The following ADORA1 variants were observed in gnomAD, a reference collection of about 807,000 sequenced individuals.
The protein encoded by ADORA1 is adenosine A1 receptor, also known as adenosine receptor A1.
In ADORA1, 6 loss-of-function variants were observed where a neutral mutation model predicts 19.9. That is an observed-to-expected ratio of 0.30 (90% CI 0.17 to 0.59). ADORA1 has a LOEUF of 0.59. ADORA1 is among the 20% of genes least tolerant of loss of function. ADORA1 has a pLI of 0.87. For synonymous variants in ADORA1, 194 were observed against 188.4 expected (o/e 1.03, Z -0.24); for missense variants, 302 against 439.2 (o/e 0.69, Z 2.79).
Position 203,165,691 on chromosome 1 carries a change from C to T in ADORA1, c.772C>T (p.Leu258Phe). The T allele has an allele frequency of 6.2e-7, 1 of 1,611,028 alleles. No individual in the cohort carries two copies. The highest frequency in any genetic ancestry group is 1.7e-4 in the Middle Eastern group (1 of 6,042). Reference protein sequence around the residue: ...LPLHILNCITLFCPSCHKPSI... With the variant: ...LPLHILNCITFFCPSCHKPSI... ...TTTGCACATCCTCAACTGCATCACCCTCTTCTGCCCGTCCTGCCACAAGCC... is the reference window on the plus strand; with the variant it reads ...TTTGCACATCCTCAACTGCATCACCTTCTTCTGCCCGTCCTGCCACAAGCC... The change falls in exon 4 of 4, where the codon CTC becomes TTC. Residue 258 changes from leucine (L) to phenylalanine (F), a missense_variant. By Grantham distance (22) the Leu-to-Phe change is conservative. Coordinates refer to ENST00000337894, the MANE Select transcript of ADORA1 (RefSeq NM_000674.3). This position sits in a 1 kb window ranked among gnomAD's most constrained non-coding sequence, Gnocchi z 5.9.
At chr1:203,155,016 TTTATTATTA>T (rs4020534) in intron 3 of ADORA1, among the ~76,000 whole-genome samples, 4,977 of 142,314 alleles carry the variant, frequency 0.035, 113 homozygotes, top group Admixed American at 0.077. Context: ...GCTCTTCCTA[TTTATTATTA>T]TTATTATTAT....
intron 3 of ADORA1, among the ~76,000 whole-genome samples, chr1:203,133,002 G>T (rs183418612): frequency 6.6e-6 from 1 of 152,208 alleles, no homozygotes; most frequent in African/African-American, 2.4e-5. Context: ...GTGTGTTTTA[G>T]CTCCTAGTGA....
At chr1:203,130,959 G>A (rs1654312657) in intron 3 of ADORA1, among the ~76,000 whole-genome samples, 1 of 152,112 alleles carries the variant, frequency 6.6e-6, no homozygotes, top group Non-Finnish European at 1.5e-5. Context: ...ATCCTTGCTG[G>A]GAATTTCTAG....
intron 3 of ADORA1, among the ~76,000 whole-genome samples, chr1:203,162,303 G>A (rs1194308242): frequency 2.6e-5 from 4 of 152,186 alleles, no homozygotes; most frequent in Non-Finnish European, 5.9e-5. Context: ...TGCAGGGTCT[G>A]CTGGGACTGG....
At chr1:203,133,807 C>T (rs531186719) in intron 3 of ADORA1, among the ~76,000 whole-genome samples, 1 of 152,192 alleles carries the variant, frequency 6.6e-6, no homozygotes, top group East Asian at 1.9e-4. Context: ...TGGAGGAGCT[C>T]GGCGTGCTGA....
At chr1:203,147,263 C>T (rs745429202) in intron 3 of ADORA1, among the ~76,000 whole-genome samples, 17 of 152,170 alleles carry the variant, frequency 1.1e-4, no homozygotes, top group Admixed American at 7.9e-4. Flanking sequence ...TATCATTTTG[C>T]TGAGGCAGGG....
At chr1:203,160,650 CAAAAACACTT>C (rs1006617022) in intron 3 of ADORA1, among the ~76,000 whole-genome samples, 42 of 152,102 alleles carry the variant, frequency 2.8e-4, no homozygotes, top group African/African-American at 9.7e-4. Flanking sequence ...CCCATCTCTA[CAAAAACACTT>C]AAAAATAGCT....
intron 3 of ADORA1, among the ~76,000 whole-genome samples, chr1:203,154,379 A>G (rs1417158933): frequency 6.6e-6 from 1 of 152,168 alleles, no homozygotes; most frequent in Non-Finnish European, 1.5e-5. Context: ...CACAAAAATC[A>G]TTTTAGGTGT....
intron 3 of ADORA1, among the ~76,000 whole-genome samples, chr1:203,155,933 A>G (rs1285866828): frequency 6.6e-6 from 1 of 152,182 alleles, no homozygotes; most frequent in East Asian, 1.9e-4. Flanking sequence ...TTCTAATCTG[A>G]CTGTCTCTAA....
In ADORA1 at chr1:203,128,772, C is replaced by A; in HGVS notation, c.-57-13C>A. 6.5e-7 allele frequency: 1 copy of A among 1,528,232 alleles called. No homozygotes were observed. The highest frequency in any genetic ancestry group is 8.7e-7 in the Non-Finnish European group (1 of 1,143,422). The allele number at this position is 1,528,232 out of a possible 1,614,324, so 94.7% of individuals were successfully genotyped here. On this transcript the variant is annotated splice_polypyrimidine_tract_variant and intron_variant, in intron 2 of 3. Coordinates refer to ENST00000337894, the MANE Select transcript of ADORA1 (RefSeq NM_000674.3). The surrounding 1 kb of genome is among the most constrained non-coding windows in gnomAD (Gnocchi z 5.9). ...GACGGGTCTCCCCATCCCAGGCTTC[C>A]CTGACCACACAGGTGCTTGCCTCGT...
Position 203,166,033 on chromosome 1 carries a change from A to G in ADORA1, c.*133A>G. ...GCTGGGGGCATGGGGGAGGCTCTGAAGAGATACCCACAGAGTGTGGTCCCT... is the reference window on the plus strand; with the variant it reads ...GCTGGGGGCATGGGGGAGGCTCTGAGGAGATACCCACAGAGTGTGGTCCCT... On this transcript the variant is annotated 3_prime_UTR_variant, in exon 4 of 4. Transcript: ENST00000337894. 1 of 1,197,392 alleles carries G rather than the reference A, an allele frequency of 8.4e-7. No homozygotes were observed. The highest frequency in any genetic ancestry group is 1.1e-6 in the Non-Finnish European group (1 of 889,552). 74.2% of individuals were successfully genotyped at this position (1,197,392 alleles called of 1,614,324 possible).
At chr1:203,158,112 A>G (rs1016810765) in intron 3 of ADORA1, among the ~76,000 whole-genome samples, 1 of 152,148 alleles carries the variant, frequency 6.6e-6, no homozygotes, top group African/African-American at 2.4e-5. Flanking sequence ...GAGTTTTCCA[A>G]ATCTTTCCAT....
Position 203,128,492 on chromosome 1 carries a change from C to G in ADORA1, c.-58+60C>G. On this transcript the variant is annotated intron_variant, in intron 2 of 3. Transcript: ENST00000337894. This position sits in a 1 kb window ranked among gnomAD's most constrained non-coding sequence, Gnocchi z 5.9. ...TGGGCAGAGCCAGTCATGGGAGACC[C>G]CTCTGTGCGTGTGTCTGTGTGTGCG... is the stretch of plus-strand genomic sequence containing the variant. The G allele has an allele frequency of 8.2e-7, 1 of 1,215,858 alleles. No homozygotes were observed. Among genetic ancestry groups the G allele is most frequent in the South Asian group, 1.3e-5 (1 of 76,690 alleles). The allele number at this position is 1,215,858 out of a possible 1,614,324, so 75.3% of individuals were successfully genotyped here.
intron 3 of ADORA1, among the ~76,000 whole-genome samples, chr1:203,151,012 A>C (rs1364243140): frequency 6.6e-6 from 1 of 152,152 alleles, no homozygotes; most frequent in Non-Finnish European, 1.5e-5. Flanking sequence ...TCCCAACCCC[A>C]GCGGGTGCCT....
rs572744049 is a variant in ADORA1 at position 203,148,635 on chromosome 1, G to T, written c.342-16626G>T. Among the ~76,000 whole-genome samples, 4 of 152,342 alleles carry T rather than the reference G, an allele frequency of 2.6e-5. No individual in the cohort carries two copies. In the South Asian group the frequency reaches 8.3e-4, roughly 32 times the overall value. On this transcript the variant is annotated intron_variant, in intron 3 of 3. Transcript: ENST00000337894. ...GCACCAGCTGAGGAGGTTGGGAGGG[G>T]AGAGAGCAGTGTGGTTGGTCAGGCG...
At chr1:203,155,115 C>G (rs1048628445) in intron 3 of ADORA1, among the ~76,000 whole-genome samples, 6 of 151,596 alleles carry the variant, frequency 4.0e-5, no homozygotes, top group Non-Finnish European at 7.4e-5. Context: ...TGGCATGGCT[C>G]ACTGCAACCT....
At chr1:203,142,349 C>G (rs1253495608) in intron 3 of ADORA1, among the ~76,000 whole-genome samples, 1 of 152,224 alleles carries the variant, frequency 6.6e-6, no homozygotes, top group Non-Finnish European at 1.5e-5. Context: ...TAACCAACAC[C>G]TAACACGTGT....
intron 3 of ADORA1, among the ~76,000 whole-genome samples, chr1:203,152,973 A>G (rs1231922263): frequency 6.6e-6 from 1 of 152,186 alleles, no homozygotes; most frequent in African/African-American, 2.4e-5. Context: ...TACTTTGAAA[A>G]CATGCCTCCT....
chr1:203,164,792 C>T (rs1315563767), intron 3 of ADORA1, among the ~76,000 whole-genome samples: 1 of 152,200 alleles, frequency 6.6e-6, no homozygotes, highest in African/African-American at 2.4e-5. Flanking sequence ...AACAGCACTG[C>T]CACCTTCCAT....
Sources: gnomAD v4.1 joint callset for allele counts (sites outside exome capture counted in the v4.1 genomes callset) on GRCh38, gnomAD v4.1.1 for gene constraint, Gnocchi (gnomAD v3.1) non-coding constraint, MANE v1.5 for transcripts, NCBI Gene and HGNC (gene_info 2026-07-23, HGNC 2026-07-21) for gene names.